The following SLC44A3 variants were observed in gnomAD, a reference collection of about 807,000 sequenced individuals.
SLC44A3 encodes choline transporter-like protein 3.
In SLC44A3, 74 loss-of-function variants were observed where a neutral mutation model predicts 75.4. That is an observed-to-expected ratio of 0.98 (90% CI 0.81 to 1.19). The LOEUF (loss-of-function observed/expected upper bound fraction) is 1.19. Ranked by LOEUF, SLC44A3 falls within the 50% of genes most tolerant of loss-of-function variation. The pLI, the probability that SLC44A3 is intolerant of heterozygous loss-of-function variation, is 0.00. For synonymous variants in SLC44A3, 310 were observed against 296.9 expected, an observed-to-expected ratio of 1.04 and a Z score of -0.45; for missense variants, 700 against 778.6, an observed-to-expected ratio of 0.90 and a Z score of 1.20.
intron 12 of SLC44A3, among the ~76,000 whole-genome samples, chr1:94,882,108 T>C (rs1212044806): frequency 6.6e-6 from 1 of 152,190 alleles, no homozygotes; most frequent in Non-Finnish European, 1.5e-5. Context: ...CCAGGCACCA[T>C]GGTAAACATT....
At chr1:94,860,970 T>C (rs1666498048) in intron 10 of SLC44A3, among the ~76,000 whole-genome samples, 1 of 152,118 alleles carries the variant, frequency 6.6e-6, no homozygotes, top group African/African-American at 2.4e-5. Context: ...AAAATGGAAC[T>C]GAGGGAATAC....
chr1:94,841,650 C>T (rs1663659968), intron 7 of SLC44A3, among the ~76,000 whole-genome samples: 1 of 152,216 alleles, frequency 6.6e-6, no homozygotes, highest in African/African-American at 2.4e-5. Context: ...AACATTTAGA[C>T]AGTGAGCTCT....
chr1:94,844,859 A>G (rs1414787723), intron 8 of SLC44A3, among the ~76,000 whole-genome samples: 1 of 152,144 alleles, frequency 6.6e-6, no homozygotes, highest in Non-Finnish European at 1.5e-5. Context: ...GCAGGGAGGG[A>G]AAGCTAGAAG....
intron 9 of SLC44A3, among the ~76,000 whole-genome samples, chr1:94,853,212 T>G (rs1382669492): frequency 6.6e-6 from 1 of 152,138 alleles, no homozygotes; most frequent in Non-Finnish European, 1.5e-5. Flanking sequence ...GGCCCTGGAA[T>G]GCAGGTGAAG....
chr1:94,835,883 T>C (rs992836004), intron 5 of SLC44A3, among the ~76,000 whole-genome samples: 11 of 152,218 alleles, frequency 7.2e-5, no homozygotes, highest in Non-Finnish European at 1.3e-4. Flanking sequence ...AGGCAATTTC[T>C]TGCTGTTTGG....
chr1:94,845,962 C>A (rs1664346845), intron 9 of SLC44A3, among the ~76,000 whole-genome samples: 2 of 152,056 alleles, frequency 1.3e-5, no homozygotes, highest in South Asian at 4.2e-4. Flanking sequence ...GCCTGACCAA[C>A]ATGGTGAAAC....
chr1:94,855,035 A>G (rs922564550), intron 9 of SLC44A3, among the ~76,000 whole-genome samples: 3 of 152,158 alleles, frequency 2.0e-5, no homozygotes, highest in Admixed American at 6.5e-5. Context: ...AATAACTTGC[A>G]GGTTCTGCTT....
chr1:94,833,470 GCTGT>G (rs1662396797), intron 5 of SLC44A3, among the ~76,000 whole-genome samples: 2 of 152,294 alleles, frequency 1.3e-5, no homozygotes, highest in Admixed American at 1.3e-4. Flanking sequence ...CTTCTACAGG[GCTGT>G]CTTAGACACG....
chr1:94,827,502 C>A lies in SLC44A3; in HGVS notation c.279-5C>A. ...ACACATTCTTCTGTTTCATCTATTTCCTAGACACGTGTTCTTTATGAATTC... is the reference window on the plus strand; with the variant it reads ...ACACATTCTTCTGTTTCATCTATTTACTAGACACGTGTTCTTTATGAATTC... On this transcript the variant is annotated splice_polypyrimidine_tract_variant and splice_region_variant and intron_variant, in intron 3 of 14. Coordinates refer to ENST00000271227, the MANE Select transcript of SLC44A3 (RefSeq NM_001114106.3). 6.2e-7 allele frequency: 1 copy of A among 1,614,172 alleles called. No homozygotes were observed. The highest frequency in any genetic ancestry group is 8.5e-7 in the Non-Finnish European group (1 of 1,180,018).
chr1:94,873,445 C>G (rs1667970259), intron 12 of SLC44A3, among the ~76,000 whole-genome samples: 1 of 152,168 alleles, frequency 6.6e-6, no homozygotes, highest in Non-Finnish European at 1.5e-5. Flanking sequence ...TTGTGAAGGT[C>G]AAGGCAGAGA....
chr1:94,881,841 T>A (rs1159247460), intron 12 of SLC44A3, among the ~76,000 whole-genome samples: 2 of 133,412 alleles, frequency 1.5e-5, no homozygotes, highest in Non-Finnish European at 3.1e-5. Flanking sequence ...TGAAACCCCG[T>A]CTCTACTAAA....
In SLC44A3 at chr1:94,837,563, C is replaced by T. The variant is rs542138751; in HGVS notation, c.510-148C>T. The T allele has an allele frequency of 2.4e-5, 15 of 628,668 alleles. No individual in the cohort carries two copies. In the East Asian group the frequency reaches 5.0e-4, roughly 21 times the overall value. The allele number at this position is 628,668 out of a possible 1,614,324, so 38.9% of individuals were successfully genotyped here. On this transcript the variant is annotated intron_variant, in intron 5 of 14. Transcript: ENST00000271227. ...TAGCAGAGCATACTTGCCTGGCTTT[C>T]TAAGGTGTGCTCTGCAAATGGCATG... is the stretch of plus-strand genomic sequence containing the variant.
chr1:94,881,085 T>C (rs1184925096), intron 12 of SLC44A3, among the ~76,000 whole-genome samples: 1 of 152,114 alleles, frequency 6.6e-6, no homozygotes, highest in Non-Finnish European at 1.5e-5. Context: ...CTGAAGCAAA[T>C]GCCTTTAAAT....
At chr1:94,831,868 A>G (rs555530705) in intron 5 of SLC44A3, among the ~76,000 whole-genome samples, 11 of 152,196 alleles carry the variant, frequency 7.2e-5, no homozygotes, top group Admixed American at 1.3e-4. Flanking sequence ...ACCTCAGGCC[A>G]TGGCCTAAAG....
At position 94,867,405 on chromosome 1, in the gene SLC44A3, C is replaced by G. The variant is rs1667289562; in HGVS notation, c.1470C>G (p.Leu490=). ...CCFWCLDKYL[L]HLNQNAYTTT... ...TCTGGTGTCTTGACAAATACCTGCTCCATCTCAACCAGGTACGTCTCTACC... is the reference window on the plus strand; with the variant it reads ...TCTGGTGTCTTGACAAATACCTGCTGCATCTCAACCAGGTACGTCTCTACC... The change falls in exon 12 of 15, where the codon CTC becomes CTG. Residue 490 remains leucine, a synonymous_variant. Coordinates refer to ENST00000271227, the MANE Select transcript of SLC44A3 (RefSeq NM_001114106.3). The G allele has an allele frequency of 6.2e-7, 1 of 1,605,540 alleles. No individual in the cohort carries two copies. Among genetic ancestry groups the G allele is most frequent in the East Asian group, 2.2e-5 (1 of 44,484 alleles).
intron 3 of SLC44A3, among the ~76,000 whole-genome samples, chr1:94,826,574 C>T (rs1661373327): frequency 6.6e-6 from 1 of 151,700 alleles, no homozygotes; most frequent in South Asian, 2.1e-4. Context: ...TCACTTGAAC[C>T]TGGGAGGCAG....
intron 9 of SLC44A3, among the ~76,000 whole-genome samples, chr1:94,850,349 G>A (rs1665053054): frequency 6.6e-6 from 1 of 152,084 alleles, no homozygotes. Flanking sequence ...TTGGTAATCT[G>A]GTAGGTTGGA....
At chr1:94,841,926 G>A in intron 7 of SLC44A3, 74 bp from the exon 8 acceptor site, 2 of 1,518,284 alleles carry the variant, frequency 1.3e-6, no homozygotes, top group Non-Finnish European at 1.8e-6. Flanking sequence ...TGGACTTCCT[G>A]TGTGATTCTG....
chr1:94,889,806 T>C (rs1336809836), intron 12 of SLC44A3, among the ~76,000 whole-genome samples: 4 of 152,132 alleles, frequency 2.6e-5, no homozygotes, highest in African/African-American at 9.7e-5. Context: ...AAAAGCCAGA[T>C]ATATAATCAT....
Sources: gnomAD v4.1 joint callset for allele counts (sites outside exome capture counted in the v4.1 genomes callset) on GRCh38, gnomAD v4.1.1 for gene constraint, MANE v1.5 for transcripts, NCBI Gene and HGNC (gene_info 2026-07-23, HGNC 2026-07-21) for gene names.